The following ZBTB7C variants were observed in gnomAD, a reference collection of about 807,000 sequenced individuals.
The protein encoded by ZBTB7C is zinc finger and BTB domain containing 7C, also known as zinc finger and BTB domain-containing protein 7C.
Under a neutral mutation model 25.7 loss-of-function variants are expected in ZBTB7C, and 8 were observed. The observed-to-expected ratio is 0.31, with a 90% CI of 0.18 to 0.56. The LOEUF is 0.56. ZBTB7C is among the 20% of genes least tolerant of loss of function. ZBTB7C has a pLI of 0.91. For missense variants in ZBTB7C, 824 were observed against 855.2 expected, an observed-to-expected ratio of 0.96 and a Z score of 0.46; for synonymous variants, 394 against 369.0, an observed-to-expected ratio of 1.07 and a Z score of -0.78.
intron 1 of ZBTB7C, among the ~76,000 whole-genome samples, chr18:48,407,911 G>A (rs535609945): frequency 6.6e-6 from 1 of 152,058 alleles, no homozygotes; most frequent in African/African-American, 2.4e-5. Flanking sequence ...GACCTACCGA[G>A]GTGTTTCTAC....
intron 1 of ZBTB7C, among the ~76,000 whole-genome samples, chr18:48,401,535 C>T (rs772813535): frequency 7.9e-5 from 12 of 152,194 alleles, no homozygotes; most frequent in Non-Finnish European, 1.6e-4. Context: ...AAAACCTATG[C>T]TCCTCATCAT....
chr18:48,047,085 G>C (rs1376317555), intron 3 of ZBTB7C, among the ~76,000 whole-genome samples: 1 of 152,142 alleles, frequency 6.6e-6, no homozygotes, highest in African/African-American at 2.4e-5. Flanking sequence ...GATTGGGAGG[G>C]GTGAGCTGCG....
In ZBTB7C at chr18:48,367,562, C is replaced by T. The variant is rs574121410; in HGVS notation, c.-303-29164G>A. Among the ~76,000 whole-genome samples, 13 of 151,612 alleles carry T rather than the reference C, an allele frequency of 8.6e-5. No homozygotes were observed. The South Asian group carries it at 2.7e-3, about 32-fold the overall frequency. On this transcript the variant is annotated intron_variant, in intron 1 of 4. Transcript: ENST00000590800. ...ACAGACAAGAAAAGCCTAACAAAAG[C>T]CTGCTCTCTCCAGCCAAATAACTAG...
intron 2 of ZBTB7C, among the ~76,000 whole-genome samples, chr18:48,287,707 C>T (rs905223938): frequency 6.6e-6 from 1 of 151,942 alleles, no homozygotes; most frequent in Non-Finnish European, 1.5e-5. Context: ...AAAATATATA[C>T]CATTATCAGG....
upstream of ZBTB7C, among the ~76,000 whole-genome samples, chr18:48,409,678 G>A (rs2048360500): frequency 1.3e-5 from 2 of 152,062 alleles, no homozygotes; most frequent in South Asian, 4.1e-4. Flanking sequence ...GGGCGGCGCG[G>A]CGGGGGGCGC....
At chr18:48,221,791 G>A (rs573931560) in intron 2 of ZBTB7C, among the ~76,000 whole-genome samples, 1 of 146,090 alleles carries the variant, frequency 6.8e-6, no homozygotes, top group Admixed American at 6.9e-5. Context: ...CCTCTATGCT[G>A]TCCCAGTCTC....
chr18:48,165,674 A>G (rs569953088), intron 3 of ZBTB7C: 1 of 154,374 alleles, frequency 6.5e-6, no homozygotes. Context: ...TAACTTCAAA[A>G]TAAAGCCCTG....
At chr18:48,074,432 C>T (rs1463096791) in intron 3 of ZBTB7C, among the ~76,000 whole-genome samples, 1 of 152,236 alleles carries the variant, frequency 6.6e-6, no homozygotes, top group Non-Finnish European at 1.5e-5. Flanking sequence ...CCTCTGTCTC[C>T]ATGGCCCTCT....
In ZBTB7C at chr18:48,297,049, G is replaced by A. The variant is rs529056516; in HGVS notation, c.-79+41125C>T. Reference sequence around the variant, plus strand: ...GGAACAGTTTCCCCCACCCCACCCCGTCTGTGGAAAATTTGTCTTCCACGA... The same window carrying A: ...GGAACAGTTTCCCCCACCCCACCCCATCTGTGGAAAATTTGTCTTCCACGA... On this transcript the variant is annotated intron_variant, in intron 2 of 4. Coordinates refer to ENST00000590800, the MANE Select transcript of ZBTB7C (RefSeq NM_001318841.2). 6.8e-4 allele frequency among the ~76,000 whole-genome samples: 103 copies of A among 152,068 alleles called. No individual in the cohort carries two copies. In the South Asian group the frequency reaches 0.019, roughly 29 times the overall value.
At chr18:48,099,832 T>C (rs1308670585) in intron 3 of ZBTB7C, among the ~76,000 whole-genome samples, 4 of 152,244 alleles carry the variant, frequency 2.6e-5, no homozygotes, top group Non-Finnish European at 5.9e-5. Flanking sequence ...CGGCCTCAGT[T>C]GTCCAAATAC....
chr18:48,266,542 T>C (rs943155807), intron 2 of ZBTB7C, among the ~76,000 whole-genome samples: 18 of 152,336 alleles, frequency 1.2e-4, no homozygotes, highest in African/African-American at 4.3e-4. Context: ...GACTTTGTTT[T>C]GTTCATAATT....
At chr18:48,242,333 CTAAATCATCCTATGAA>C (rs1474694795) in intron 2 of ZBTB7C, among the ~76,000 whole-genome samples, 1 of 152,142 alleles carries the variant, frequency 6.6e-6, no homozygotes, top group Non-Finnish European at 1.5e-5. Context: ...GGAATCCTCC[CTAAATCATCCTATGAA>C]GCCAGTATCA....
intron 3 of ZBTB7C, among the ~76,000 whole-genome samples, chr18:48,058,093 G>T (rs1479782662): frequency 6.6e-6 from 1 of 152,214 alleles, no homozygotes; most frequent in Non-Finnish European, 1.5e-5. Flanking sequence ...TGTTGTGTCA[G>T]CACCATCTGA....
chr18:48,178,109 G>C (rs942753929), intron 3 of ZBTB7C, among the ~76,000 whole-genome samples: 1 of 152,088 alleles, frequency 6.6e-6, no homozygotes, highest in South Asian at 2.1e-4. Context: ...TACTGCACTG[G>C]GTCTTGAGAG....
chr18:48,410,491 G>C (rs4471754), upstream of ZBTB7C, among the ~76,000 whole-genome samples: 145,433 of 152,262 alleles, frequency 0.96, 69,483 homozygotes, highest in Middle Eastern at 0.98. Context: ...GGAGTCTGTC[G>C]GGGCAGGAGA....
At chr18:48,154,887 T>A (rs147191006) in intron 3 of ZBTB7C, among the ~76,000 whole-genome samples, 2 of 152,212 alleles carry the variant, frequency 1.3e-5, no homozygotes, top group Non-Finnish European at 2.9e-5. Context: ...AGTCTCTTTA[T>A]GGGAATTGTT....
intron 3 of ZBTB7C, among the ~76,000 whole-genome samples, chr18:48,167,604 G>A (rs947814771): frequency 8.2e-5 from 12 of 147,214 alleles, no homozygotes; most frequent in African/African-American, 3.1e-4. Flanking sequence ...GTGTGCGCGC[G>A]TGCACACGCG....
intron 1 of ZBTB7C, among the ~76,000 whole-genome samples, chr18:48,392,833 T>C (rs2047932791): frequency 6.6e-6 from 1 of 152,176 alleles, no homozygotes; most frequent in Non-Finnish European, 1.5e-5. Flanking sequence ...CTTCCTCCAA[T>C]GCCCACGCTA....
At chr18:48,393,996 T>C (rs2047960472) in intron 1 of ZBTB7C, among the ~76,000 whole-genome samples, 1 of 152,134 alleles carries the variant, frequency 6.6e-6, no homozygotes, top group South Asian at 2.1e-4. Flanking sequence ...CAGTCTCCAG[T>C]CTTGGTGGCC....
Sources: allele counts gnomAD v4.1 joint callset (sites outside exome capture counted in the v4.1 genomes callset), GRCh38; gene constraint gnomAD v4.1.1; transcripts MANE v1.5; gene names NCBI Gene and HGNC (gene_info 2026-07-23, HGNC 2026-07-21).